The following VPS35L variants were observed in gnomAD, a reference collection of about 807,000 sequenced individuals.
VPS35L encodes VPS35 endosomal protein sorting factor like.
Under a neutral mutation model 133.0 loss-of-function variants are expected in VPS35L, and 83 were observed. The observed-to-expected ratio is 0.62, with a 90% confidence interval of 0.52 to 0.75. The LOEUF (loss-of-function observed/expected upper bound fraction) is 0.75, where lower values mean the gene tolerates loss of function less well. Among genes scored for constraint, VPS35L ranks in the 30% least tolerant of loss-of-function variants. The pLI is 0.00. For missense variants in VPS35L, 1,083 were observed against 1,206.8 expected (o/e 0.90, Z 1.52); for synonymous variants, 423 against 449.9 (o/e 0.94, Z 0.76).
chr16:19,646,664 T>TG (rs1363230711), intron 23 of VPS35L, among the ~76,000 whole-genome samples: 2 of 131,422 alleles, frequency 1.5e-5, no homozygotes, highest in Non-Finnish European at 3.4e-5. Flanking sequence ...AACTCTGTCT[T>TG]GGGAAAAAAA....
chr16:19,618,480 T>C (rs1972970327), intron 14 of VPS35L, among the ~76,000 whole-genome samples: 1 of 152,106 alleles, frequency 6.6e-6, no homozygotes, highest in South Asian at 2.1e-4. Flanking sequence ...CTCCCGATGA[T>C]CTGTACATAC....
chr16:19,657,040 G>A (rs906798165), intron 26 of VPS35L, among the ~76,000 whole-genome samples: 2 of 142,322 alleles, frequency 1.4e-5, no homozygotes, highest in Non-Finnish European at 3.0e-5. Flanking sequence ...ATCTCTGCTC[G>A]CTGCAACCTC....
chr16:19,584,404 A>T (rs1971799794), intron 7 of VPS35L, among the ~76,000 whole-genome samples: 1 of 152,136 alleles, frequency 6.6e-6, no homozygotes, highest in Non-Finnish European at 1.5e-5. Flanking sequence ...AGGCAGGTGG[A>T]TCACCTGAGG....
rs552036057 is a variant in VPS35L, at chr16:19,567,922, A to G, written c.118-1502A>G. On this transcript the variant is annotated intron_variant, in intron 2 of 30. Transcript: ENST00000417362. The stretch of plus-strand genomic sequence containing the variant: ...GATGTCGAGGGTACAGTGAACCGTG[A>G]TCACACCATTGCACTCCAGGCTTAG... Among the ~76,000 whole-genome samples the G allele has an allele frequency of 3.3e-5, 5 of 151,676 alleles. No individual in the cohort carries two copies. The South Asian group carries it at 1.0e-3, about 32-fold the overall frequency.
At position 19,601,677 on chromosome 16, in the gene VPS35L, C is replaced by A; in HGVS notation, c.738C>A (p.Tyr246Ter). ...TTTTCCTCCCAGGAAAGCTCGTGTA[C>A]GAGCGCATCTTTTCCATGTGTGTGG... ...DILDTFGKLVYERIFSMCVDS... is the reference protein window; with the variant it reads ...DILDTFGKLV Residue 246 changes from tyrosine (Y) to a stop codon, truncating the protein, a stop_gained, in exon 9 of 31, where the codon TAC becomes TAA. Coordinates refer to ENST00000417362, the MANE Select transcript of VPS35L (RefSeq NM_020314.7). LOFTEE classifies it high-confidence loss of function. 1.2e-6 allele frequency: 2 copies of A among 1,614,058 alleles called. No individual in the cohort carries two copies. The highest frequency in any genetic ancestry group is 1.7e-6 in the Non-Finnish European group (2 of 1,179,992).
At chr16:19,666,900 CTTTCTTTCTTT>C (rs1567470359) in intron 26 of VPS35L, among the ~76,000 whole-genome samples, 16,871 of 96,988 alleles carry the variant, frequency 0.17, 1,502 homozygotes, top group Non-Finnish European at 0.21. Flanking sequence ...TTCTTTCTTT[CTTTCTTTCTTT>C]CTTTCTTTCT....
At chr16:19,611,907 G>GAGAGATGCAA (rs1180990597) in intron 12 of VPS35L, 16 of 152,020 alleles carry the variant, frequency 1.1e-4, no homozygotes, top group African/African-American at 3.9e-4. Context: ...CATCCTCTGG[G>GAGAGATGCAA]AGAGATGCAA....
At chr16:19,564,199 T>A (rs904339456) in intron 1 of VPS35L, among the ~76,000 whole-genome samples, 1 of 152,016 alleles carries the variant, frequency 6.6e-6, no homozygotes, top group African/African-American at 2.4e-5. Flanking sequence ...TGCCTCAGCC[T>A]CCCAAGTAGC....
intron 7 of VPS35L, among the ~76,000 whole-genome samples, chr16:19,589,670 A>G (rs577672773): frequency 1.3e-5 from 2 of 152,270 alleles, no homozygotes; most frequent in South Asian, 2.1e-4. Flanking sequence ...ACTTCAATTT[A>G]TAAGATCATT....
chr16:19,568,298 G>GC (rs375359764), intron 2 of VPS35L, among the ~76,000 whole-genome samples: 2,777 of 148,404 alleles, frequency 0.019, 86 homozygotes, highest in African/African-American at 0.063. Context: ...TCTTCAAACC[G>GC]CCCCCCCCTT....
intron 20 of VPS35L, among the ~76,000 whole-genome samples, chr16:19,638,037 A>G (rs539472807): frequency 6.6e-6 from 1 of 152,310 alleles, no homozygotes; most frequent in South Asian, 2.1e-4. Context: ...ACTATGAAAT[A>G]CATTGACTAG....
chr16:19,675,873 T>C (rs2151611576), intron 27 of VPS35L, among the ~76,000 whole-genome samples: 1 of 152,258 alleles, frequency 6.6e-6, no homozygotes, highest in Middle Eastern at 3.4e-3. Flanking sequence ...TCATGGGGAC[T>C]GCACTGTTTT....
At position 19,639,391 on chromosome 16, in the gene VPS35L, AG is replaced by A. The variant is rs1342730370; in HGVS notation, c.1699-623del. On this transcript the variant is annotated intron_variant, in intron 20 of 30. Coordinates refer to ENST00000417362, the MANE Select transcript of VPS35L (RefSeq NM_020314.7). This position sits in a 1 kb window ranked among gnomAD's most constrained non-coding sequence, Gnocchi z 4.1. The stretch of plus-strand genomic sequence containing the variant: ...ATTGCTCATCAATATAATCACAAAA[AG>A]ACTGAAGTCTGCCTTGCCCAGAAAA... 6.6e-6 allele frequency among the ~76,000 whole-genome samples: 1 copy of A among 152,198 alleles called. No individual in the cohort carries two copies. The highest frequency in any genetic ancestry group is 2.4e-5 in the African/African-American group (1 of 41,454).
chr16:19,682,347 C>T lies in VPS35L; in HGVS notation c.2484C>T (p.Leu828=), dbSNP rs772329017. The T allele has an allele frequency of 9.9e-6, 16 of 1,614,126 alleles. No individual in the cohort carries two copies. The East Asian group carries it at 3.6e-4, about 36-fold the overall frequency. ...TCTACACCTGCGTCCTGCATCTCCT[C>T]TCCGCCATGAGCCAGGAGACGTACC... ...IRIYTCVLHL[L]SAMSQETYLY... is the part of the protein sequence containing the mutation. The change falls in exon 28 of 31, where the codon CTC becomes CTT. Residue 828 remains leucine, a synonymous_variant. Transcript: ENST00000417362.
chr16:19,665,275 T>C (rs534011982), intron 26 of VPS35L, among the ~76,000 whole-genome samples: 4 of 152,310 alleles, frequency 2.6e-5, no homozygotes, highest in South Asian at 4.1e-4. Context: ...TCTTATTCAT[T>C]CTTTCTATTT....
Position 19,642,490 on chromosome 16 carries a change from A to G in VPS35L, c.1865+14A>G. 1.2e-6 allele frequency: 2 copies of G among 1,604,630 alleles called. No individual in the cohort carries two copies. Among genetic ancestry groups the G allele is most frequent in the Non-Finnish European group, 1.7e-6 (2 of 1,172,702 alleles). On this transcript the variant is annotated intron_variant, in intron 22 of 30. Coordinates refer to ENST00000417362, the MANE Select transcript of VPS35L (RefSeq NM_020314.7). ...TGACTCTGTGAAGTAAGCCATGCTT[A>G]CAGCTGAAATATAACATGGATTGGG...
At chr16:19,697,077 T>C (rs1367628578) in intron 29 of VPS35L, among the ~76,000 whole-genome samples, 3 of 152,172 alleles carry the variant, frequency 2.0e-5, no homozygotes, top group African/African-American at 7.2e-5. Flanking sequence ...GCCAGCCAGT[T>C]TGCGAGTCCG....
chr16:19,619,128 A>G (rs1972995196), intron 14 of VPS35L, among the ~76,000 whole-genome samples: 2 of 150,948 alleles, frequency 1.3e-5, no homozygotes, highest in Middle Eastern at 3.4e-3. Flanking sequence ...ATGCAGTTTC[A>G]CCTTGTTGAT....
intron 9 of VPS35L, among the ~76,000 whole-genome samples, chr16:19,604,226 T>C (rs1337614085): frequency 6.6e-6 from 1 of 152,076 alleles, no homozygotes; most frequent in African/African-American, 2.4e-5. Flanking sequence ...TTAAAAATTT[T>C]CATATTTACC....
Sources: allele counts gnomAD v4.1 joint callset (sites outside exome capture counted in the v4.1 genomes callset), GRCh38; gene constraint gnomAD v4.1.1; non-coding constraint Gnocchi (gnomAD v3.1); transcripts MANE v1.5; gene names NCBI Gene and HGNC (gene_info 2026-07-23, HGNC 2026-07-21).